ARID4B: variants seen among roughly 807,000 people sequenced by gnomAD.
ARID4B encodes AT-rich interaction domain 4B, also known as AT-rich interactive domain-containing protein 4B.
In ARID4B, 26 loss-of-function variants were observed where a neutral mutation model predicts 147.5. That is an observed-to-expected ratio of 0.18 (90% CI 0.13 to 0.24). The LOEUF (loss-of-function observed/expected upper bound fraction) is 0.24. Ranked by LOEUF, ARID4B falls within the 10% of genes least tolerant of loss-of-function variation. The pLI is 1.00. For synonymous variants in ARID4B, 512 were observed against 507.9 expected (o/e 1.01, Z -0.11); for missense variants, 1,179 against 1,511.5 (o/e 0.78, Z 3.65).
chr1:235,318,994 T>C (rs1004954702), intron 2 of ARID4B, among the ~76,000 whole-genome samples: 14 of 152,090 alleles, frequency 9.2e-5, no homozygotes, highest in South Asian at 6.2e-4. Flanking sequence ...TGGAGTTAAA[T>C]AGCAGTGACA....
chr1:235,223,421 G>GTA (rs35086103), intron 12 of ARID4B, among the ~76,000 whole-genome samples, 161 bp from the exon 13 acceptor site: 1,515 of 136,796 alleles, frequency 0.011, 28 homozygotes, highest in African/African-American at 0.038. Context: ...ACATATATAT[G>GTA]TATATATATA....
At chr1:235,217,281 G>A (rs904266666) in intron 16 of ARID4B, among the ~76,000 whole-genome samples, 4 of 152,038 alleles carry the variant, frequency 2.6e-5, no homozygotes, top group African/African-American at 7.2e-5. Context: ...AGACTTCAGT[G>A]GCAAATTCAA....
intron 23 of ARID4B, among the ~76,000 whole-genome samples, chr1:235,171,120 A>AT (rs1188581350): frequency 1.3e-5 from 2 of 151,938 alleles, no homozygotes; most frequent in Admixed American, 6.6e-5. Context: ...TTTAGTTTTA[A>AT]TTTTTTTGGT....
At chr1:235,283,677 ATACTTTT>A (rs1671800584) in intron 2 of ARID4B, among the ~76,000 whole-genome samples, 1 of 152,176 alleles carries the variant, frequency 6.6e-6, no homozygotes. Context: ...TTTCTTGCTG[ATACTTTT>A]AAGAAAAAGT....
intron 7 of ARID4B, among the ~76,000 whole-genome samples, chr1:235,241,375 TA>T (rs1668967544): frequency 6.6e-6 from 1 of 152,194 alleles, no homozygotes; most frequent in African/African-American, 2.4e-5. Context: ...ATTAAACTAC[TA>T]AAAAACTTTA....
intron 21 of ARID4B, chr1:235,176,887 A>G (rs1663923378): frequency 2.1e-6 from 1 of 471,050 alleles, no homozygotes; most frequent in South Asian, 1.5e-5. Flanking sequence ...GAGCAGCAGG[A>G]GGTCAGTGTG....
Position 235,217,975 on chromosome 1 carries a change from A to C in ARID4B, c.1583+1818T>G, listed in dbSNP as rs188688865. Among the ~76,000 whole-genome samples the C allele has an allele frequency of 6.0e-4, 91 of 152,306 alleles. 1 individual carries two copies. The highest frequency in any genetic ancestry group is 3.1e-3 in the South Asian group (15 of 4,832). ...TACCTCTGATAAAGTTTAATTTATTAATAAGGCACAGCATGAGATAAGCAA... is the reference window on the plus strand; with the variant it reads ...TACCTCTGATAAAGTTTAATTTATTCATAAGGCACAGCATGAGATAAGCAA... On this transcript the variant is annotated intron_variant, in intron 16 of 23. Transcript: ENST00000264183.
intron 17 of ARID4B, among the ~76,000 whole-genome samples, chr1:235,210,379 A>G (rs962261908): frequency 1.3e-5 from 2 of 152,070 alleles, no homozygotes; most frequent in Non-Finnish European, 2.9e-5. Context: ...TTCATTTCCA[A>G]TTTCACATCT....
chr1:235,240,828 A>G (rs924255016), intron 7 of ARID4B, among the ~76,000 whole-genome samples: 8 of 152,294 alleles, frequency 5.3e-5, no homozygotes, highest in East Asian at 1.9e-4. Context: ...CAGTAATTCT[A>G]TATCTCCAGT....
chr1:235,241,835 T>G (rs1330916094), intron 7 of ARID4B, among the ~76,000 whole-genome samples: 1 of 152,094 alleles, frequency 6.6e-6, no homozygotes, highest in African/African-American at 2.4e-5. Context: ...AAAACTATTA[T>G]AATAATATTA....
intron 2 of ARID4B, among the ~76,000 whole-genome samples, chr1:235,283,979 C>T (rs1391517715): frequency 6.6e-6 from 1 of 152,104 alleles, no homozygotes; most frequent in African/African-American, 2.4e-5. Context: ...TCAAGTGATC[C>T]GCCTGCCTCG....
Position 235,182,663 on chromosome 1 carries a change from C to G in ARID4B, c.2256G>C (p.Glu752Asp), listed in dbSNP as rs759511921. ...CTAGCAAAGATGAACTGTTCTGTTCCTCCTTTGAAATAAGATCATTTCTGT... is the reference window on the plus strand; with the variant it reads ...CTAGCAAAGATGAACTGTTCTGTTCGTCCTTTGAAATAAGATCATTTCTGT... ...TNNRNDLISK[E>D]EQNSSSLLEE... Residue 752 changes from glutamate (E) to aspartate (D), a missense_variant, in exon 20 of 24, where the codon GAG (glutamate) becomes GAC (aspartate). This residue lies in a region of ARID4B where 321 missense variants were observed against 342.4 expected (regional missense o/e 0.94). Coordinates refer to ENST00000264183, the MANE Select transcript of ARID4B (RefSeq NM_016374.6). The G allele has an allele frequency of 4.3e-6, 7 of 1,613,618 alleles. No homozygotes were observed. Among genetic ancestry groups the G allele is most frequent in the Non-Finnish European group, 5.1e-6 (6 of 1,180,030 alleles).
chr1:235,170,959 A>C (rs1386245122), intron 23 of ARID4B, among the ~76,000 whole-genome samples: 2 of 151,044 alleles, frequency 1.3e-5, no homozygotes, highest in African/African-American at 4.9e-5. Context: ...GTGGAAGCAT[A>C]GTTCAGTGTC....
intron 19 of ARID4B, among the ~76,000 whole-genome samples, chr1:235,185,367 A>T (rs1664604412): frequency 6.6e-6 from 1 of 152,160 alleles, no homozygotes; most frequent in South Asian, 2.1e-4. Flanking sequence ...CTTCCTTTGT[A>T]TCTCTTTTAC....
intron 3 of ARID4B, among the ~76,000 whole-genome samples, chr1:235,257,529 T>C (rs12095372): frequency 0.04 from 6,084 of 151,894 alleles, 462 homozygotes; most frequent in African/African-American, 0.14. Context: ...GTCGCCCAGG[T>C]TGGAGTGCAG....
intron 2 of ARID4B, among the ~76,000 whole-genome samples, chr1:235,300,260 T>C (rs1673025069): frequency 1.3e-5 from 2 of 151,728 alleles, no homozygotes; most frequent in Admixed American, 1.3e-4. Flanking sequence ...TACCAAAAAA[T>C]ACAAAATTTA....
chr1:235,287,521 A>C (rs992750224), intron 2 of ARID4B, among the ~76,000 whole-genome samples: 16 of 152,192 alleles, frequency 1.1e-4, no homozygotes, highest in Admixed American at 6.5e-5. Context: ...GAAAGAATCT[A>C]CTTATTTTTA....
intron 7 of ARID4B, among the ~76,000 whole-genome samples, chr1:235,242,870 A>G (rs1030818768): frequency 6.6e-6 from 1 of 152,034 alleles, no homozygotes; most frequent in African/African-American, 2.4e-5. Context: ...CCTACTCAAG[A>G]CTTTGTTCCA....
intron 2 of ARID4B, among the ~76,000 whole-genome samples, chr1:235,285,170 T>C (rs1464205941): frequency 1.3e-5 from 2 of 152,182 alleles, no homozygotes; most frequent in African/African-American, 4.8e-5. Flanking sequence ...CAACCCAAAG[T>C]GCTGGGATTA....
Sources: allele counts gnomAD v4.1 joint callset (sites outside exome capture counted in the v4.1 genomes callset), GRCh38; gene constraint gnomAD v4.1.1; regional missense constraint gnomAD v4.1.1; transcripts MANE v1.5; gene names NCBI Gene and HGNC (gene_info 2026-07-23, HGNC 2026-07-21).